TRPC6: variants seen among roughly 807,000 people sequenced by gnomAD.
The protein encoded by TRPC6 is transient receptor potential cation channel subfamily C member 6, also known as short transient receptor potential channel 6.
TRPC6 carries 55 observed loss-of-function variants against 90.7 expected under a neutral mutation model. That is an observed-to-expected ratio of 0.61 (90% confidence interval 0.49 to 0.76). The LOEUF is 0.76. Ranked by LOEUF, TRPC6 falls within the 30% of genes least tolerant of loss-of-function variation. TRPC6 has a pLI of 0.00. For missense variants in TRPC6, 989 were observed against 1,122.7 expected (o/e 0.88, Z 1.70); for synonymous variants, 393 against 393.0 (o/e 1.00, Z 0.00).
intron 1 of TRPC6, among the ~76,000 whole-genome samples, chr11:101,569,292 C>T (rs568520314): frequency 3.1e-4 from 47 of 151,876 alleles, no homozygotes; most frequent in Middle Eastern, 3.4e-3. Context: ...TGATGATAAA[C>T]GGATCAATGC....
At chr11:101,464,449 A>G (rs2136656263) in intron 10 of TRPC6, among the ~76,000 whole-genome samples, 1 of 152,256 alleles carries the variant, frequency 6.6e-6, no homozygotes, top group South Asian at 2.1e-4. Flanking sequence ...GCCTCTAAGA[A>G]CTTGGTTTAT....
chr11:101,509,059 C>T (rs6590875), intron 1 of TRPC6, among the ~76,000 whole-genome samples: 69,643 of 151,410 alleles, frequency 0.46, 16,441 homozygotes, highest in African/African-American at 0.55. Flanking sequence ...CATTTTTCAG[C>T]TGTTATGCAA....
chr11:101,488,837 CA>C (rs1174185259), intron 4 of TRPC6, 99 bp downstream of exon 4: 2 of 1,342,382 alleles, frequency 1.5e-6, no homozygotes, highest in African/African-American at 2.9e-5. Flanking sequence ...TACTGAAACC[CA>C]ACTGTGATTC....
intron 1 of TRPC6, among the ~76,000 whole-genome samples, chr11:101,535,175 AAAGGAAGGAAGGAAGGAAGG>A (rs199866910): frequency 0.1 from 13,440 of 129,534 alleles, 866 homozygotes; most frequent in Admixed American, 0.16. Context: ...GAAAGAAAAG[AAAGGAAGGAAGGAAGGAAGG>A]AAGGAAGGAA....
At chr11:101,509,651 C>T (rs1290487957) in intron 1 of TRPC6, among the ~76,000 whole-genome samples, 2 of 152,028 alleles carry the variant, frequency 1.3e-5, no homozygotes, top group Non-Finnish European at 2.9e-5. Context: ...ATCTTATTTC[C>T]TTCTAAATTA....
chr11:101,502,794 C>A (rs1424641273), intron 2 of TRPC6, among the ~76,000 whole-genome samples: 1 of 152,072 alleles, frequency 6.6e-6, no homozygotes, highest in Non-Finnish European at 1.5e-5. Context: ...TTTCAGTAAC[C>A]ATTTTCCTCC....
intron 1 of TRPC6, among the ~76,000 whole-genome samples, chr11:101,507,017 AC>A (rs1860287300): frequency 3.4e-5 from 5 of 148,152 alleles, no homozygotes; most frequent in Admixed American, 2.7e-4. Context: ...ACACACACAC[AC>A]ACACACACAC....
At position 101,563,955 on chromosome 11, in the gene TRPC6, G is replaced by A. The variant is rs556605880; in HGVS notation, c.170+19379C>T. 2.6e-5 allele frequency among the ~76,000 whole-genome samples: 4 copies of A among 152,054 alleles called. No individual in the cohort carries two copies. In the South Asian group the frequency reaches 6.2e-4, roughly 24 times the overall value. Reference sequence around the variant, plus strand: ...AAAACAGGGTTATATGTTTAACTGCGTGAAGCTACAGAAACAGAATGTTAC... The same window carrying A: ...AAAACAGGGTTATATGTTTAACTGCATGAAGCTACAGAAACAGAATGTTAC... On this transcript the variant is annotated intron_variant, in intron 1 of 12. Coordinates refer to ENST00000344327, the MANE Select transcript of TRPC6 (RefSeq NM_004621.6).
chr11:101,543,437 A>C (rs1861222237), intron 1 of TRPC6, among the ~76,000 whole-genome samples: 1 of 152,164 alleles, frequency 6.6e-6, no homozygotes, highest in Non-Finnish European at 1.5e-5. Context: ...AAAAAGAACA[A>C]AGCTGGAGGC....
In TRPC6 at chr11:101,453,067, C is replaced by T. The variant is rs1591517912; in HGVS notation, c.2684G>A (p.Arg895His). Reference protein sequence around the residue: ...KEIKQDISSLRYELLEEKSQN... With the variant: ...KEIKQDISSLHYELLEEKSQN... ...AGATTTTTCTTCAAGGAGTTCATAG[C>T]GGAGACTTGAGATGTCCTGCTTAAT... Residue 895 changes from arginine to histidine, a missense_variant, in exon 13 of 13, where the codon CGC becomes CAC. Physicochemically the swap from Arg to His is conservative, Grantham distance 29. This residue lies in a region of TRPC6 where 191 missense variants were observed against 196.7 expected (regional missense o/e 0.97). Transcript: ENST00000344327. 2.5e-6 allele frequency: 4 copies of T among 1,613,770 alleles called. No homozygotes were observed. The highest frequency in any genetic ancestry group is 3.4e-6 in the Non-Finnish European group (4 of 1,179,822).
chr11:101,559,144 G>A (rs897717654), intron 1 of TRPC6, among the ~76,000 whole-genome samples: 4 of 152,074 alleles, frequency 2.6e-5, no homozygotes. Flanking sequence ...CACTATATAA[G>A]GGGCTCAGGC....
At chr11:101,545,739 A>T (rs2136827996) in intron 1 of TRPC6, among the ~76,000 whole-genome samples, 2 of 152,336 alleles carry the variant, frequency 1.3e-5, no homozygotes, top group Middle Eastern at 6.8e-3. Context: ...AATAATTTTT[A>T]GGTAGATGAT....
At chr11:101,505,899 G>A (rs934793130) in intron 1 of TRPC6, among the ~76,000 whole-genome samples, 17 of 151,730 alleles carry the variant, frequency 1.1e-4, no homozygotes, top group African/African-American at 4.1e-4. Context: ...TGTAGTCCCA[G>A]CTACTCAGGA....
At chr11:101,462,560 C>A (rs1377047168) in intron 10 of TRPC6, among the ~76,000 whole-genome samples, 9 of 152,074 alleles carry the variant, frequency 5.9e-5, no homozygotes, top group Non-Finnish European at 1.0e-4. Flanking sequence ...GTATTTTATT[C>A]TCTTTGTAGC....
At chr11:101,568,163 A>G (rs1302806108) in intron 1 of TRPC6, among the ~76,000 whole-genome samples, 1 of 152,204 alleles carries the variant, frequency 6.6e-6, no homozygotes, top group Non-Finnish European at 1.5e-5. Context: ...ACCAGTTTAG[A>G]GAAGAACATA....
intron 10 of TRPC6, among the ~76,000 whole-genome samples, chr11:101,468,708 A>G (rs533189355): frequency 7.7e-4 from 118 of 152,324 alleles, no homozygotes; most frequent in African/African-American, 2.7e-3. Context: ...TAACAGCCCC[A>G]TACTGCATAA....
At chr11:101,463,049 TG>T (rs1859044682) in intron 10 of TRPC6, among the ~76,000 whole-genome samples, 1 of 152,218 alleles carries the variant, frequency 6.6e-6, no homozygotes, top group African/African-American at 2.4e-5. Context: ...AGGCCTTTTC[TG>T]CATCTATTGA....
At chr11:101,510,861 T>C (rs759164348) in intron 1 of TRPC6, among the ~76,000 whole-genome samples, 17 of 152,180 alleles carry the variant, frequency 1.1e-4, no homozygotes, top group Non-Finnish European at 2.4e-4. Context: ...GATACACTTT[T>C]ATAACATGGA....
chr11:101,583,622 G>T lies in TRPC6; in HGVS notation c.-119C>A. Reference sequence around the variant, plus strand: ...CCGAACTGGACCTGGGCAGACCGGTGCCCAGGGGACGACGGTGAAGCAGGG... The same window carrying T: ...CCGAACTGGACCTGGGCAGACCGGTTCCCAGGGGACGACGGTGAAGCAGGG... On this transcript the variant is annotated 5_prime_UTR_variant, in exon 1 of 13. Transcript: ENST00000344327. 3 of 1,162,318 alleles carry T rather than the reference G, an allele frequency of 2.6e-6. No individual in the cohort carries two copies. The highest frequency in any genetic ancestry group is 3.4e-6 in the Non-Finnish European group (3 of 881,640). The allele number at this position is 1,162,318 out of a possible 1,614,324, so 72.0% of individuals were successfully genotyped here.
Sources: allele counts gnomAD v4.1 joint callset (sites outside exome capture counted in the v4.1 genomes callset), GRCh38; gene constraint gnomAD v4.1.1; regional missense constraint gnomAD v4.1.1; transcripts MANE v1.5; gene names NCBI Gene and HGNC (gene_info 2026-07-23, HGNC 2026-07-21).